Variants in HEMK2 observed in about 807,000 individuals in gnomAD.
HEMK2 encodes HemK methyltransferase 2, ETF1 glutamine and histone H4 lysine.
chr21:28,647,858 G>A, the HEMK2 span, among the ~76,000 whole-genome samples: 2 of 152,224 alleles, frequency 1.3e-5, no homozygotes, highest in Non-Finnish European at 2.9e-5. Flanking sequence ...ACAGGCATTA[G>A]GGCAAGAACA....
the HEMK2 span, among the ~76,000 whole-genome samples, chr21:28,682,467 G>A: frequency 1.3e-5 from 2 of 150,972 alleles, no homozygotes; most frequent in Non-Finnish European, 3.0e-5. Context: ...CTGTAAACTA[G>A]TTCAACCATT....
At chr21:28,847,048 T>C in the HEMK2 span, among the ~76,000 whole-genome samples, 1 of 152,212 alleles carries the variant, frequency 6.6e-6, no homozygotes, top group Non-Finnish European at 1.5e-5. Flanking sequence ...GACTGGCATC[T>C]AGGTTGATTC....
the HEMK2 span, among the ~76,000 whole-genome samples, chr21:28,606,007 A>AAC: frequency 0.018 from 2,789 of 151,754 alleles, 102 homozygotes; most frequent in African/African-American, 0.064. Context: ...TTTTCATAAC[A>AAC]ACACACACAC....
the HEMK2 span, among the ~76,000 whole-genome samples, chr21:28,746,497 G>T: frequency 6.2e-3 from 942 of 152,272 alleles, 9 homozygotes; most frequent in African/African-American, 0.021. Flanking sequence ...TGTGCAGGTA[G>T]GGAGATGAGC....
the HEMK2 span, among the ~76,000 whole-genome samples, chr21:28,737,329 T>C: frequency 6.6e-6 from 1 of 152,196 alleles, no homozygotes; most frequent in Non-Finnish European, 1.5e-5. Flanking sequence ...TTCACCATAT[T>C]GGCCAGAGTG....
chr21:28,630,976 GT>G, the HEMK2 span, among the ~76,000 whole-genome samples: 1 of 152,064 alleles, frequency 6.6e-6, no homozygotes, highest in Non-Finnish European at 1.5e-5. Context: ...ATTAAGCTCA[GT>G]TTTTTATGTA....
chr21:28,714,190 T>C, the HEMK2 span, among the ~76,000 whole-genome samples: 16 of 152,372 alleles, frequency 1.1e-4, no homozygotes, highest in African/African-American at 3.6e-4. Context: ...TAAATTTTTC[T>C]AAGCTTTGTC....
chr21:28,728,975 C>G, the HEMK2 span, among the ~76,000 whole-genome samples: 1 of 152,210 alleles, frequency 6.6e-6, no homozygotes, highest in Non-Finnish European at 1.5e-5. Flanking sequence ...ATTCCCAGAC[C>G]ATGCTTTAAA....
chr21:28,786,497 C>A, the HEMK2 span, among the ~76,000 whole-genome samples: 1 of 151,972 alleles, frequency 6.6e-6, no homozygotes, highest in Admixed American at 6.6e-5. Flanking sequence ...ATGGTGAAAC[C>A]CTGTCTCTTC....
chr21:28,694,637 T>G, the HEMK2 span, among the ~76,000 whole-genome samples: 1 of 152,160 alleles, frequency 6.6e-6, no homozygotes, highest in Admixed American at 6.5e-5. Flanking sequence ...TATTTTTTTT[T>G]GTATTTTCTT....
chr21:28,884,101 T>A, the HEMK2 span, among the ~76,000 whole-genome samples: 1 of 152,224 alleles, frequency 6.6e-6, no homozygotes, highest in Non-Finnish European at 1.5e-5. Context: ...TGGCTTCTCT[T>A]TGAAAATAAC....
chr21:28,763,493 C>T, the HEMK2 span, among the ~76,000 whole-genome samples: 69 of 152,138 alleles, frequency 4.5e-4, no homozygotes, highest in African/African-American at 1.6e-3. Context: ...GAGATCAGAC[C>T]CCACGATCCA....
At chr21:28,655,645 A>T in the HEMK2 span, among the ~76,000 whole-genome samples, 1 of 151,958 alleles carries the variant, frequency 6.6e-6, no homozygotes, top group East Asian at 1.9e-4. Flanking sequence ...GAATTTCCCA[A>T]CTGTAAGATA....
At chr21:28,703,113 T>C in the HEMK2 span, among the ~76,000 whole-genome samples, 84,561 of 151,984 alleles carry the variant, frequency 0.56, 26,187 homozygotes, top group East Asian at 0.84. Context: ...AAACATTGTG[T>C]ACACATGGAC....
the HEMK2 span, chr21:28,882,128 A>T: frequency 7.2e-6 from 11 of 1,526,036 alleles, no homozygotes; most frequent in Admixed American, 2.2e-5. Flanking sequence ...TTATTTGAAA[A>T]GAAAATTATT....
the HEMK2 span, among the ~76,000 whole-genome samples, chr21:28,596,757 C>T: frequency 1.4e-4 from 21 of 151,918 alleles, no homozygotes; most frequent in Admixed American, 5.2e-4. Context: ...ATGGAAGATA[C>T]GCTAATTTTA....
the HEMK2 span, among the ~76,000 whole-genome samples, chr21:28,768,895 G>C: frequency 6.6e-6 from 1 of 151,892 alleles, no homozygotes; most frequent in East Asian, 1.9e-4. Context: ...AGAAACACCA[G>C]GGGTGAGCAT....
the HEMK2 span, among the ~76,000 whole-genome samples, chr21:28,716,530 T>C: frequency 6.6e-6 from 1 of 152,336 alleles, no homozygotes; most frequent in East Asian, 1.9e-4. Context: ...TAGAAGCCTC[T>C]TGGCAGAGTC....
chr21:28,745,283 T>A, the HEMK2 span, among the ~76,000 whole-genome samples: 2 of 152,218 alleles, frequency 1.3e-5, no homozygotes, highest in Non-Finnish European at 2.9e-5. Context: ...TTGGAGAAAA[T>A]GTCTGAAAAT....
Sources: gnomAD v4.1 joint callset for allele counts (sites outside exome capture counted in the v4.1 genomes callset) on GRCh38, gnomAD v4.1.1 for gene constraint, MANE v1.5 for transcripts, NCBI Gene and HGNC (gene_info 2026-07-23, HGNC 2026-07-21) for gene names.